The following SLC9A2 variants were observed in gnomAD, a reference collection of about 807,000 sequenced individuals.
SLC9A2 encodes sodium/hydrogen exchanger 2.
SLC9A2 carries 42 observed loss-of-function variants against 71.7 expected under a neutral mutation model. The observed-to-expected ratio is 0.59, with a 90% confidence interval of 0.46 to 0.76. The LOEUF (loss-of-function observed/expected upper bound fraction) is 0.76. Ranked by LOEUF, SLC9A2 falls within the 30% of genes least tolerant of loss-of-function variation. The pLI is 0.00. For synonymous variants in SLC9A2, 396 were observed against 392.5 expected (o/e 1.01, Z -0.10); for missense variants, 829 against 1,017.4 (o/e 0.81, Z 2.52).
chr2:102,674,259 G>A (rs1677308729), intron 3 of SLC9A2, among the ~76,000 whole-genome samples: 1 of 152,152 alleles, frequency 6.6e-6, no homozygotes, highest in South Asian at 2.1e-4. Context: ...GGTCAAGCTT[G>A]GCCCTTCCTT....
At position 102,708,126 on chromosome 2, in the gene SLC9A2, TAGC is replaced by T. The variant is rs1678018799; in HGVS notation, c.2080_2082del (p.Ser694del). 6.2e-7 allele frequency: 1 copy of T among 1,611,080 alleles called. No individual in the cohort carries two copies. Among genetic ancestry groups the T allele is most frequent in the East Asian group, 2.2e-5 (1 of 44,880 alleles). Reference sequence around the variant, plus strand: ...TCTTTTGCTCCGTGATAGATGGCAATAGCAGCGACTCAGACGCAGATGCCGGGA... The same window carrying T: ...TCTTTTGCTCCGTGATAGATGGCAATAGCGACTCAGACGCAGATGCCGGGA... On this transcript the variant is annotated inframe_deletion, in exon 12 of 12. Coordinates refer to ENST00000233969, the MANE Select transcript of SLC9A2 (RefSeq NM_003048.6).
At chr2:102,637,452 C>A (rs565592010) in intron 1 of SLC9A2, among the ~76,000 whole-genome samples, 19 of 152,206 alleles carry the variant, frequency 1.2e-4, no homozygotes, top group Non-Finnish European at 2.8e-4. Flanking sequence ...AGCCAGTGAT[C>A]ATTTCCGAGC....
chr2:102,699,537 G>A (rs62152133), intron 7 of SLC9A2, among the ~76,000 whole-genome samples: 4 of 152,212 alleles, frequency 2.6e-5, no homozygotes, highest in South Asian at 2.1e-4. Context: ...ACAAGAATCC[G>A]AGAGAGAATG....
chr2:102,671,749 C>T (rs1233896795), intron 3 of SLC9A2, among the ~76,000 whole-genome samples: 1 of 152,168 alleles, frequency 6.6e-6, no homozygotes, highest in African/African-American at 2.4e-5. Context: ...AATAGGGTGA[C>T]CACCAGCCTC....
chr2:102,621,234 C>A (rs555296332), intron 1 of SLC9A2, among the ~76,000 whole-genome samples: 1 of 151,392 alleles, frequency 6.6e-6, no homozygotes, highest in African/African-American at 2.4e-5. Flanking sequence ...TACTTGGAGG[C>A]TGAGGCGGGA....
intron 8 of SLC9A2, among the ~76,000 whole-genome samples, chr2:102,701,824 CTG>C (rs1677879624): frequency 2.0e-5 from 3 of 152,320 alleles, no homozygotes; most frequent in Admixed American, 6.5e-5. Flanking sequence ...TTCAGGGAAA[CTG>C]TGTCAAGTGA....
chr2:102,633,516 C>T (rs957273384), intron 1 of SLC9A2, among the ~76,000 whole-genome samples: 9 of 152,130 alleles, frequency 5.9e-5, no homozygotes, highest in African/African-American at 2.2e-4. Context: ...TAATAGCACC[C>T]GGCTTCCTTC....
chr2:102,645,135 C>T (rs528800026), intron 1 of SLC9A2, among the ~76,000 whole-genome samples: 8 of 152,304 alleles, frequency 5.3e-5, no homozygotes, highest in Non-Finnish European at 7.4e-5. Context: ...CTGCAGCCTC[C>T]GCTGGTAATG....
At chr2:102,646,789 A>ATATATATATATATATATATATATATATC (rs887096663) in intron 1 of SLC9A2, among the ~76,000 whole-genome samples, 1 of 148,254 alleles carries the variant, frequency 6.7e-6, no homozygotes, top group African/African-American at 2.5e-5. Flanking sequence ...ATATATATAT[A>ATATATATATATATATATATATATATATC]TCTCCAATAC....
intron 1 of SLC9A2, among the ~76,000 whole-genome samples, chr2:102,624,709 T>G (rs1195058909): frequency 6.6e-6 from 1 of 152,168 alleles, no homozygotes; most frequent in Admixed American, 6.5e-5. Context: ...GCTCTTTTGA[T>G]TTTCTCTGCC....
intron 3 of SLC9A2, among the ~76,000 whole-genome samples, chr2:102,680,233 C>T (rs1185169223): frequency 2.0e-5 from 3 of 151,868 alleles, no homozygotes; most frequent in Non-Finnish European, 4.4e-5. Flanking sequence ...TTTCTGTATA[C>T]ATGTCTTTTT....
At chr2:102,642,171 GTGGTTTCCACCTAA>G (rs1357387429) in intron 1 of SLC9A2, among the ~76,000 whole-genome samples, 1 of 152,106 alleles carries the variant, frequency 6.6e-6, no homozygotes, top group African/African-American at 2.4e-5. Context: ...CATAATGTAC[GTGGTTTCCACCTAA>G]TGATTTACAG....
At chr2:102,637,262 C>T (rs945076840) in intron 1 of SLC9A2, among the ~76,000 whole-genome samples, 22 of 152,184 alleles carry the variant, frequency 1.4e-4, no homozygotes, top group African/African-American at 4.1e-4. Context: ...TATTTAATAG[C>T]GAGGATCCTG....
In SLC9A2 at chr2:102,704,818, G is replaced by A. The variant is rs1008948246; in HGVS notation, c.1977+143G>A. 8.8e-6 allele frequency: 7 copies of A among 792,452 alleles called. No individual in the cohort carries two copies. The African/African-American group carries it at 1.0e-4, about 12-fold the overall frequency. 49.1% of individuals were successfully genotyped at this position (792,452 alleles called of 1,614,324 possible). ...AGCTGCAGGAAGGCTGGGGTGGCCG[G>A]GGGAAGTGAGTGTTCACAGGTATTG... On this transcript the variant is annotated intron_variant, in intron 10 of 11. Transcript: ENST00000233969.
At chr2:102,639,270 C>T (rs528783696) in intron 1 of SLC9A2, among the ~76,000 whole-genome samples, 1 of 152,370 alleles carries the variant, frequency 6.6e-6, no homozygotes, top group African/African-American at 2.4e-5. Flanking sequence ...CTATCATTCA[C>T]TCAACCATTT....
At chr2:102,625,663 C>T (rs1320392547) in intron 1 of SLC9A2, among the ~76,000 whole-genome samples, 2 of 152,104 alleles carry the variant, frequency 1.3e-5, no homozygotes, top group Non-Finnish European at 2.9e-5. Flanking sequence ...TCATTTTTTA[C>T]AGCTGCATAG....
At chr2:102,705,467 TG>T (rs1013891675) in intron 10 of SLC9A2, among the ~76,000 whole-genome samples, 36 of 149,972 alleles carry the variant, frequency 2.4e-4, no homozygotes, top group Admixed American at 1.1e-3. Flanking sequence ...TATATTAAAG[TG>T]AAAAAAAAAA....
chr2:102,633,197 C>A (rs576887686), intron 1 of SLC9A2, among the ~76,000 whole-genome samples: 2 of 152,226 alleles, frequency 1.3e-5, no homozygotes, highest in African/African-American at 4.8e-5. Context: ...AAGGTAGGCA[C>A]CATTATTATT....
At chr2:102,658,075 G>C (rs750171484) in intron 2 of SLC9A2, 48 bp downstream of exon 2, 1 of 1,433,216 alleles carries the variant, frequency 7.0e-7, no homozygotes, top group Admixed American at 1.8e-5. Context: ...GGGCTGCCCA[G>C]CCACCTGCAG....
Sources: gnomAD v4.1 joint callset for allele counts (sites outside exome capture counted in the v4.1 genomes callset) on GRCh38, gnomAD v4.1.1 for gene constraint, MANE v1.5 for transcripts, NCBI Gene and HGNC (gene_info 2026-07-23, HGNC 2026-07-21) for gene names.